Variants in SLC14A2 observed in about 807,000 individuals in gnomAD.
SLC14A2 encodes the protein urea transporter 2.
SLC14A2 carries 91 observed loss-of-function variants against 104.6 expected under a neutral mutation model. The observed-to-expected ratio is 0.87, with a 90% CI of 0.73 to 1.04. The LOEUF (loss-of-function observed/expected upper bound fraction) is 1.04. Ranked by LOEUF, SLC14A2 falls within the 50% of genes least tolerant of loss-of-function variation. SLC14A2 has a pLI of 0.00. For missense variants in SLC14A2, 1,189 were observed against 1,156.0 expected (o/e 1.03, Z -0.41); for synonymous variants, 476 against 466.4 (o/e 1.02, Z -0.27).
At chr18:45,455,069 A>C (rs1365457002) in intron 1 of SLC14A2, among the ~76,000 whole-genome samples, 1 of 152,150 alleles carries the variant, frequency 6.6e-6, no homozygotes, top group Non-Finnish European at 1.5e-5. Context: ...ATGGGGATAG[A>C]ATTGAATCTG....
chr18:45,537,777 T>C (rs910988751), intron 2 of SLC14A2, among the ~76,000 whole-genome samples: 3 of 151,746 alleles, frequency 2.0e-5, no homozygotes, highest in Non-Finnish European at 4.4e-5. Context: ...CAGATAAGAG[T>C]TGCCCCTAAC....
chr18:45,579,329 G>A (rs906236091), intron 2 of SLC14A2, among the ~76,000 whole-genome samples: 4 of 152,284 alleles, frequency 2.6e-5, no homozygotes, highest in African/African-American at 9.6e-5. Flanking sequence ...GATCAAATGA[G>A]ATTACAAATA....
At chr18:45,500,450 G>T (rs376331905) in intron 2 of SLC14A2, among the ~76,000 whole-genome samples, 2 of 151,882 alleles carry the variant, frequency 1.3e-5, no homozygotes, top group Non-Finnish European at 1.5e-5. Flanking sequence ...GGTAGCGGGC[G>T]CCTGTAGTCC....
At chr18:45,402,197 A>G (rs751745987) in intron 1 of SLC14A2, among the ~76,000 whole-genome samples, 6 of 152,082 alleles carry the variant, frequency 3.9e-5, no homozygotes, top group Non-Finnish European at 5.9e-5. Flanking sequence ...GGAATGAGGA[A>G]TCATATTCCA....
intron 2 of SLC14A2, among the ~76,000 whole-genome samples, chr18:45,543,260 T>C (rs945585257): frequency 4.6e-5 from 7 of 152,136 alleles, no homozygotes; most frequent in Non-Finnish European, 7.3e-5. Context: ...TGTCTTTAAA[T>C]TGACTCACAT....
chr18:45,347,448 CTTTAT>C (rs1384697779), intron 1 of SLC14A2, among the ~76,000 whole-genome samples: 1 of 152,166 alleles, frequency 6.6e-6, no homozygotes, highest in Non-Finnish European at 1.5e-5. Context: ...CAATATTTGA[CTTTAT>C]TTTCTTTTCA....
At chr18:45,409,696 G>T (rs1468609932) in intron 1 of SLC14A2, among the ~76,000 whole-genome samples, 1 of 152,084 alleles carries the variant, frequency 6.6e-6, no homozygotes, top group African/African-American at 2.4e-5. Context: ...AAATGAAGAA[G>T]CAAAAAGATC....
intron 1 of SLC14A2, among the ~76,000 whole-genome samples, chr18:45,421,204 T>C (rs1358325890): frequency 6.6e-6 from 1 of 152,148 alleles, no homozygotes; most frequent in Non-Finnish European, 1.5e-5. Flanking sequence ...ATTTTATTAT[T>C]TTTAACTAAT....
intron 1 of SLC14A2, among the ~76,000 whole-genome samples, chr18:45,416,150 C>T (rs983530395): frequency 2.6e-5 from 4 of 151,468 alleles, no homozygotes; most frequent in African/African-American, 9.7e-5. Context: ...ATGGAGAGGT[C>T]TATTATCTTA....
chr18:45,285,807 G>A (rs1389241957), intron 1 of SLC14A2, among the ~76,000 whole-genome samples: 1 of 142,208 alleles, frequency 7.0e-6, no homozygotes, highest in Non-Finnish European at 1.5e-5. Flanking sequence ...GGCCTGTGTG[G>A]TCTCCTCTTT....
intron 10 of SLC14A2, among the ~76,000 whole-genome samples, chr18:45,653,525 TCA>T (rs1305246349): frequency 1.3e-5 from 2 of 152,086 alleles, no homozygotes; most frequent in Non-Finnish European, 2.9e-5. Flanking sequence ...CCCATCATAC[TCA>T]CAAAGCCAAA....
At chr18:45,603,085 G>C (rs913790652) in intron 2 of SLC14A2, among the ~76,000 whole-genome samples, 1 of 152,040 alleles carries the variant, frequency 6.6e-6, no homozygotes, top group Non-Finnish European at 1.5e-5. Context: ...TGTTGGGATA[G>C]AGTGGTATTG....
chr18:45,660,283 A>T (rs1039588179), intron 10 of SLC14A2, among the ~76,000 whole-genome samples: 1 of 152,192 alleles, frequency 6.6e-6, no homozygotes, highest in South Asian at 2.1e-4. Context: ...TACAAAGGTG[A>T]CAAGTCAAGA....
At chr18:45,482,827 G>T (rs892544816) in intron 1 of SLC14A2, among the ~76,000 whole-genome samples, 11 of 152,152 alleles carry the variant, frequency 7.2e-5, no homozygotes, top group African/African-American at 2.7e-4. Context: ...AACACAAGGG[G>T]GTGGGGATCA....
Position 45,239,755 on chromosome 18 carries a change from T to C in SLC14A2, c.-125+26564T>C, listed in dbSNP as rs145141061. Among the ~76,000 whole-genome samples, 301 of 152,208 alleles carry C rather than the reference T, an allele frequency of 2.0e-3. 2 individuals carry two copies. The highest frequency in any genetic ancestry group is 6.9e-3 in the African/African-American group (285 of 41,538). On this transcript the variant is annotated intron_variant, in intron 1 of 20. Transcript: ENST00000586448. The stretch of plus-strand genomic sequence containing the variant: ...TAATTAGTAACGAACATGGGAAGGG[T>C]ATTCTAGAAAAACAAAATGCAAAAT...
At chr18:45,471,745 A>C (rs746611117) in intron 1 of SLC14A2, among the ~76,000 whole-genome samples, 1 of 151,646 alleles carries the variant, frequency 6.6e-6, no homozygotes, top group African/African-American at 2.4e-5. Context: ...TTTCTCCTTT[A>C]CAACTTTCCT....
chr18:45,227,356 A>G (rs2084129897), intron 1 of SLC14A2, among the ~76,000 whole-genome samples: 1 of 152,222 alleles, frequency 6.6e-6, no homozygotes, highest in Non-Finnish European at 1.5e-5. Context: ...ATCTCAGTCC[A>G]TTTGTGCTGT....
chr18:45,632,587 A>G, intron 5 of SLC14A2, 109 bp downstream of exon 5: 1 of 1,206,038 alleles, frequency 8.3e-7, no homozygotes, highest in South Asian at 1.5e-5. Context: ...GCCCCTTCAT[A>G]GCCAAGTTAG....
chr18:45,375,388 G>A (rs753812511), intron 1 of SLC14A2, among the ~76,000 whole-genome samples: 3 of 152,106 alleles, frequency 2.0e-5, no homozygotes, highest in Non-Finnish European at 2.9e-5. Flanking sequence ...CACCCAGATC[G>A]ATAAACTGGC....
Sources: allele counts gnomAD v4.1 joint callset (sites outside exome capture counted in the v4.1 genomes callset), GRCh38; gene constraint gnomAD v4.1.1; transcripts MANE v1.5; gene names NCBI Gene and HGNC (gene_info 2026-07-23, HGNC 2026-07-21).